The following SLIT3 variants were observed in gnomAD, a reference collection of about 807,000 sequenced individuals.
SLIT3 encodes the protein slit guidance ligand 3.
SLIT3 carries 68 observed loss-of-function variants against 184.0 expected under a neutral mutation model. That is an observed-to-expected ratio of 0.37 (90% CI 0.30 to 0.45). The LOEUF (loss-of-function observed/expected upper bound fraction) is 0.45, where lower values mean the gene tolerates loss of function less well. SLIT3 is among the 20% of genes least tolerant of loss of function. The pLI, the probability that SLIT3 is intolerant of heterozygous loss-of-function variation, is 1.00. For missense variants in SLIT3, 1,707 were observed against 2,026.0 expected (o/e 0.84, Z 3.02); for synonymous variants, 831 against 828.6 (o/e 1.00, Z -0.05).
At chr5:169,189,023 G>C (rs1305521963) in intron 4 of SLIT3, among the ~76,000 whole-genome samples, 1 of 152,132 alleles carries the variant, frequency 6.6e-6, no homozygotes, top group Non-Finnish European at 1.5e-5. Flanking sequence ...TATTTATTGA[G>C]TGACCCAAGC....
chr5:168,726,237 C>A (rs1406192306), intron 20 of SLIT3, among the ~76,000 whole-genome samples: 2 of 151,348 alleles, frequency 1.3e-5, no homozygotes, highest in East Asian at 4.0e-4. Context: ...TTCATTCAAG[C>A]CCAAGTATTT....
Position 168,772,773 on chromosome 5 carries a change from CTGAT to C in SLIT3, c.1459+4_1459+7del. 1 of 1,614,158 alleles carries C rather than the reference CTGAT, an allele frequency of 6.2e-7. No homozygotes were observed. Among genetic ancestry groups the C allele is most frequent in the Non-Finnish European group, 8.5e-7 (1 of 1,180,022 alleles). On this transcript the variant is annotated splice_donor_5th_base_variant and intron_variant, in intron 14 of 35. Coordinates refer to ENST00000519560, the MANE Select transcript of SLIT3 (RefSeq NM_003062.4). ...AGAAAGCGGGGCCCAGCCCCGTAAC[CTGAT>C]TACCTGAGCAGCGGAACTTCTTGCT...
intron 4 of SLIT3, among the ~76,000 whole-genome samples, chr5:168,922,888 T>C (rs1051342157): frequency 6.6e-6 from 1 of 152,220 alleles, no homozygotes; most frequent in African/African-American, 2.4e-5. Flanking sequence ...CTATCCTAAA[T>C]GCAGGAACTG....
intron 1 of SLIT3, among the ~76,000 whole-genome samples, chr5:169,263,017 C>T (rs1431111149): frequency 6.6e-6 from 1 of 152,138 alleles, no homozygotes; most frequent in African/African-American, 2.4e-5. Context: ...AGGGTGGACC[C>T]TAATCCAATA....
intron 4 of SLIT3, among the ~76,000 whole-genome samples, chr5:169,060,668 G>T (rs1758147782): frequency 6.6e-6 from 1 of 152,224 alleles, no homozygotes; most frequent in African/African-American, 2.4e-5. Flanking sequence ...AAGTGACACA[G>T]GGTTAGCCCC....
intron 5 of SLIT3, among the ~76,000 whole-genome samples, chr5:168,870,287 G>GCCCCCA (rs1581163202): frequency 2.6e-5 from 4 of 152,268 alleles, no homozygotes; most frequent in South Asian, 4.1e-4. Flanking sequence ...AGTTTATCTG[G>GCCCCCA]GGCTACAAGA....
intron 4 of SLIT3, among the ~76,000 whole-genome samples, chr5:169,117,124 C>T (rs75020130): frequency 0.021 from 3,122 of 152,266 alleles, 65 homozygotes; most frequent in Non-Finnish European, 0.027. Flanking sequence ...AGTCCTTCTT[C>T]ATTAATCACA....
intron 4 of SLIT3, among the ~76,000 whole-genome samples, chr5:169,005,332 C>T (rs1439608950): frequency 6.6e-6 from 1 of 152,206 alleles, no homozygotes; most frequent in African/African-American, 2.4e-5. Flanking sequence ...ACAACAGCCT[C>T]TGAGCTTCAG....
intron 5 of SLIT3, among the ~76,000 whole-genome samples, chr5:168,872,640 C>CTTTTTTTTTT (rs774066150): frequency 1.7e-4 from 19 of 112,430 alleles, no homozygotes; most frequent in Non-Finnish European, 2.1e-4. Flanking sequence ...TCTTCTTCTT[C>CTTTTTTTTTT]TTTTTTTTTT....
chr5:168,663,385 A>G lies in SLIT3; in HGVS notation c.*3069T>C, dbSNP rs567370987. The G allele has an allele frequency of 6.6e-6, 1 of 152,388 alleles. No individual in the cohort carries two copies. The highest frequency in any genetic ancestry group is 1.5e-5 in the Non-Finnish European group (1 of 68,110). 9.4% of individuals were successfully genotyped at this position (152,388 alleles called of 1,614,324 possible). A position where few individuals can be genotyped will look rare whatever the true frequency, so the allele number is the denominator to read the frequency against. On this transcript the variant is annotated 3_prime_UTR_variant, in exon 36 of 36. Transcript: ENST00000519560. ...TCTTCAAGAGCAGAGCTTCTAAGCT[A>G]CCATAGACATTTGTGATCCATCTGG...
chr5:169,031,899 C>T lies in SLIT3; in HGVS notation c.414-148563G>A, dbSNP rs191744115. ...TTCCTTTGTTACACAGTTAGAGGTG[C>T]CCTTGAGGGATTTTTTAATTGAATG... On this transcript the variant is annotated intron_variant, in intron 4 of 35. Coordinates refer to ENST00000519560, the MANE Select transcript of SLIT3 (RefSeq NM_003062.4). Among the ~76,000 whole-genome samples the T allele has an allele frequency of 3.1e-3, 479 of 152,214 alleles. 1 individual carries two copies. Among genetic ancestry groups the T allele is most frequent in the Non-Finnish European group, 5.1e-3 (344 of 67,992 alleles).
chr5:169,145,289 A>AATT (rs1761890225), intron 4 of SLIT3, among the ~76,000 whole-genome samples: 1 of 151,834 alleles, frequency 6.6e-6, no homozygotes, highest in Non-Finnish European at 1.5e-5. Flanking sequence ...GAGGAAACAC[A>AATT]ATTTATTATT....
At chr5:168,755,672 G>C (rs1052957500) in intron 16 of SLIT3, among the ~76,000 whole-genome samples, 3 of 152,080 alleles carry the variant, frequency 2.0e-5, no homozygotes, top group Admixed American at 6.6e-5. Flanking sequence ...CAGACCTCAG[G>C]TGATTCACCC....
intron 4 of SLIT3, among the ~76,000 whole-genome samples, chr5:168,885,378 C>T (rs930354045): frequency 6.6e-6 from 1 of 152,198 alleles, no homozygotes; most frequent in Non-Finnish European, 1.5e-5. Flanking sequence ...AGCAGGGCTC[C>T]AGCCTGGAGT....
At chr5:169,247,243 T>G (rs201132637) in intron 2 of SLIT3, among the ~76,000 whole-genome samples, 8 of 105,780 alleles carry the variant, frequency 7.6e-5, no homozygotes, top group Non-Finnish European at 1.4e-4. Flanking sequence ...TGTTTTTCCC[T>G]TCTCGTCTTC....
At chr5:168,753,134 C>T in intron 17 of SLIT3, 36 bp from the exon 18 acceptor site, 2 of 1,610,012 alleles carry the variant, frequency 1.2e-6, no homozygotes, top group Non-Finnish European at 8.5e-7. Flanking sequence ...AGAGCACAGG[C>T]ATGATCTTTT....
intron 4 of SLIT3, among the ~76,000 whole-genome samples, chr5:168,983,352 A>G (rs578087368): frequency 5.4e-4 from 83 of 152,374 alleles, no homozygotes; most frequent in Non-Finnish European, 9.7e-4. Context: ...ATCTTTTCAC[A>G]TAAATCAGTA....
chr5:168,733,536 C>T (rs533117786), intron 20 of SLIT3, among the ~76,000 whole-genome samples: 1 of 152,100 alleles, frequency 6.6e-6, no homozygotes, highest in South Asian at 2.1e-4. Flanking sequence ...ACGGAATCAA[C>T]CTCAATGTCC....
At position 168,715,340 on chromosome 5, in the gene SLIT3, G is replaced by A. The variant is rs569517712; in HGVS notation, c.2484-2986C>T. 2.1e-3 allele frequency among the ~76,000 whole-genome samples: 318 copies of A among 152,306 alleles called. 1 individual carries two copies. The highest frequency in any genetic ancestry group is 2.1e-3 in the Non-Finnish European group (146 of 68,036). Reference sequence around the variant, plus strand: ...AGCATCAATGCTGTTTTCTGTAGCCGTTCCTCTGTTTTCTACTGGGGGTTA... The same window carrying A: ...AGCATCAATGCTGTTTTCTGTAGCCATTCCTCTGTTTTCTACTGGGGGTTA... On this transcript the variant is annotated intron_variant, in intron 23 of 35. Coordinates refer to ENST00000519560, the MANE Select transcript of SLIT3 (RefSeq NM_003062.4).
Sources: allele counts gnomAD v4.1 joint callset (sites outside exome capture counted in the v4.1 genomes callset), GRCh38; gene constraint gnomAD v4.1.1; transcripts MANE v1.5; gene names NCBI Gene and HGNC (gene_info 2026-07-23, HGNC 2026-07-21).